Variants in PHACTR3 observed in about 807,000 individuals in gnomAD.
PHACTR3 encodes the protein protein phosphatase 1, regulatory subunit 123.
A neutral mutation model predicts 66.8 loss-of-function variants in PHACTR3; 16 were observed. That is an observed-to-expected ratio of 0.24 (90% confidence interval 0.16 to 0.36). The LOEUF (loss-of-function observed/expected upper bound fraction) is 0.36. Ranked by LOEUF, PHACTR3 falls within the 10% of genes least tolerant of loss-of-function variation. PHACTR3 has a pLI of 1.00. For missense variants in PHACTR3, 647 were observed against 719.9 expected, an observed-to-expected ratio of 0.90 and a Z score of 1.16; for synonymous variants, 323 against 292.1, an observed-to-expected ratio of 1.11 and a Z score of -1.08.
intron 1 of PHACTR3, among the ~76,000 whole-genome samples, chr20:59,706,059 A>T (rs1468758615): frequency 6.6e-6 from 1 of 152,240 alleles, no homozygotes; most frequent in Non-Finnish European, 1.5e-5. Context: ...AGAATTGTGC[A>T]ATAGGCTTTA....
At chr20:59,742,235 A>ACT (rs1402893379) in intron 1 of PHACTR3, among the ~76,000 whole-genome samples, 1 of 152,148 alleles carries the variant, frequency 6.6e-6, no homozygotes, top group Non-Finnish European at 1.5e-5. Flanking sequence ...TTGGAGATCC[A>ACT]CTTTCTTTCT....
intron 8 of PHACTR3, among the ~76,000 whole-genome samples, chr20:59,807,474 C>T (rs2041604333): frequency 1.3e-5 from 2 of 152,160 alleles, no homozygotes. Context: ...TTCTGAGGGA[C>T]CTGCTGGAGG....
chr20:59,665,511 A>T (rs2035953557), intron 1 of PHACTR3, among the ~76,000 whole-genome samples: 1 of 150,908 alleles, frequency 6.6e-6, no homozygotes, highest in African/African-American at 2.4e-5. Flanking sequence ...TCATATTACG[A>T]TTTTTTTTTT....
At chr20:59,623,613 C>T (rs1473254636) in intron 1 of PHACTR3, among the ~76,000 whole-genome samples, 1 of 152,166 alleles carries the variant, frequency 6.6e-6, no homozygotes, top group African/African-American at 2.4e-5. Flanking sequence ...GCTTTTCCCT[C>T]TTAAAACTGC....
chr20:59,809,076 C>A (rs2041657651), intron 8 of PHACTR3, among the ~76,000 whole-genome samples: 1 of 152,176 alleles, frequency 6.6e-6, no homozygotes, highest in African/African-American at 2.4e-5. Context: ...TTCCTCTGAG[C>A]AGTGGGGCTT....
At chr20:59,756,494 C>T (rs1258200203) in intron 4 of PHACTR3, among the ~76,000 whole-genome samples, 1 of 152,168 alleles carries the variant, frequency 6.6e-6, no homozygotes, top group African/African-American at 2.4e-5. Context: ...GCTAGCGGCA[C>T]CTGCCCAGAG....
At chr20:59,671,336 G>A (rs1358770415) in intron 1 of PHACTR3, among the ~76,000 whole-genome samples, 5 of 152,170 alleles carry the variant, frequency 3.3e-5, no homozygotes, top group Non-Finnish European at 5.9e-5. Context: ...TAGAGTAAGA[G>A]TCGGTTTCTC....
chr20:59,774,597 C>G, intron 7 of PHACTR3, 107 bp downstream of exon 7: 1 of 1,437,176 alleles, frequency 7.0e-7, no homozygotes, highest in South Asian at 1.4e-5. Flanking sequence ...GGTCGAGGGG[C>G]TGCACCTGGG....
intron 4 of PHACTR3, among the ~76,000 whole-genome samples, chr20:59,755,704 C>T (rs1434309420): frequency 6.6e-6 from 1 of 152,172 alleles, no homozygotes; most frequent in Non-Finnish European, 1.5e-5. Flanking sequence ...GGGCAAGTGC[C>T]CAGTGGGGGG....
intron 1 of PHACTR3, among the ~76,000 whole-genome samples, chr20:59,675,618 G>C (rs1339074489): frequency 3.3e-5 from 5 of 152,114 alleles, no homozygotes; most frequent in Non-Finnish European, 5.9e-5. Flanking sequence ...TCTTTCTTTG[G>C]GGTGATTTTT....
intron 7 of PHACTR3, among the ~76,000 whole-genome samples, chr20:59,777,831 G>T (rs2040589755): frequency 6.6e-6 from 1 of 152,126 alleles, no homozygotes; most frequent in African/African-American, 2.4e-5. Flanking sequence ...AAACACATCT[G>T]TGACCCTGAT....
At chr20:59,766,648 G>T (rs2040191187) in intron 4 of PHACTR3, among the ~76,000 whole-genome samples, 1 of 152,162 alleles carries the variant, frequency 6.6e-6, no homozygotes, top group Non-Finnish European at 1.5e-5. Context: ...TCCCACTCTA[G>T]GCTGGCATGC....
At chr20:59,762,604 T>C (rs142861915) in intron 4 of PHACTR3, among the ~76,000 whole-genome samples, 103 of 152,290 alleles carry the variant, frequency 6.8e-4, no homozygotes, top group African/African-American at 2.1e-3. Context: ...CAAGGGCAGA[T>C]GTAGTTTGGA....
At chr20:59,701,290 T>C (rs1321007265) in intron 1 of PHACTR3, among the ~76,000 whole-genome samples, 1 of 152,218 alleles carries the variant, frequency 6.6e-6, no homozygotes, top group African/African-American at 2.4e-5. Context: ...CTGAGATCAG[T>C]GTTTTTATTT....
intron 1 of PHACTR3, among the ~76,000 whole-genome samples, chr20:59,679,982 C>T (rs2036584508): frequency 6.6e-6 from 1 of 152,088 alleles, no homozygotes; most frequent in Non-Finnish European, 1.5e-5. Context: ...GTTCTCATTT[C>T]CTTCCATTCA....
chr20:59,674,816 T>TTCCCCCTTCTCCTGG (rs200029446), intron 1 of PHACTR3, among the ~76,000 whole-genome samples: 1 of 49,434 alleles, frequency 2.0e-5, no homozygotes, highest in Non-Finnish European at 3.4e-5. Flanking sequence ...CCTTCTCCTG[T>TTCCCCCTTCTCCTGG]CCCCCACTTC....
intron 11 of PHACTR3, 69 bp downstream of exon 11, chr20:59,841,604 G>GA (rs1466742735): frequency 6.6e-7 from 1 of 1,516,012 alleles, no homozygotes; most frequent in African/African-American, 1.4e-5. Context: ...TCATGCCAGG[G>GA]AGTTTATTCA....
intron 4 of PHACTR3, among the ~76,000 whole-genome samples, chr20:59,756,280 C>T (rs543351733): frequency 3.9e-5 from 6 of 152,230 alleles, no homozygotes; most frequent in South Asian, 4.2e-4. Context: ...AAGCTATAAG[C>T]GAGTCTCACA....
At chr20:59,639,104 G>A (rs2146418146) in intron 1 of PHACTR3, among the ~76,000 whole-genome samples, 1 of 151,138 alleles carries the variant, frequency 6.6e-6, no homozygotes, top group South Asian at 2.1e-4. Flanking sequence ...TGGATGGGTA[G>A]ACGGATGTAT....
Sources: gnomAD v4.1 joint callset for allele counts (sites outside exome capture counted in the v4.1 genomes callset) on GRCh38, gnomAD v4.1.1 for gene constraint, MANE v1.5 for transcripts, NCBI Gene and HGNC (gene_info 2026-07-23, HGNC 2026-07-21) for gene names.